WDR82: variants seen among roughly 807,000 people sequenced by gnomAD.
WDR82 encodes the protein WD repeat domain 82.
A neutral mutation model predicts 36.1 loss-of-function variants in WDR82; 8 were observed. The observed-to-expected ratio is 0.22, with a 90% confidence interval of 0.13 to 0.40. WDR82 has a LOEUF of 0.40. Among genes scored for constraint, WDR82 ranks in the 10% least tolerant of loss-of-function variants. The pLI is 1.00. For synonymous variants in WDR82, 129 were observed against 137.8 expected, an observed-to-expected ratio of 0.94 and a Z score of 0.45; for missense variants, 185 against 400.5, an observed-to-expected ratio of 0.46 and a Z score of 4.59.
intron 6 of WDR82, 103 bp downstream of exon 6, chr3:52,259,614 G>A: frequency 1.5e-6 from 2 of 1,376,406 alleles, no homozygotes; most frequent in South Asian, 1.4e-5. Context: ...GCCTTCATGA[G>A]TAAGTCAAGA....
rs919890425 is a variant in WDR82, at chr3:52,255,684, C to T, written c.*1806G>A. ...CAGAAATTGTGATGCCTTGATTTAC[C>T]CCCTAGCAGCTACATATTCTTGAGC... On this transcript the variant is annotated 3_prime_UTR_variant, in exon 9 of 9. Transcript: ENST00000296490. The T allele has an allele frequency of 7.9e-5, 12 of 152,092 alleles. No individual in the cohort carries two copies. Among genetic ancestry groups the T allele is most frequent in the African/African-American group, 2.9e-4 (12 of 41,420 alleles). 9.4% of individuals were successfully genotyped at this position (152,092 alleles called of 1,614,324 possible). A position where few individuals can be genotyped will look rare whatever the true frequency, so the allele number is the denominator to read the frequency against.
intron 1 of WDR82, among the ~76,000 whole-genome samples, chr3:52,276,672 A>G (rs953129841): frequency 7.2e-5 from 11 of 152,096 alleles, no homozygotes; most frequent in African/African-American, 1.2e-4. Context: ...GGACCCCACA[A>G]TGCTGACCCT....
chr3:52,278,456 G>C lies in WDR82; in HGVS notation c.-95C>G. 1.8e-6 allele frequency: 2 copies of C among 1,091,062 alleles called. No individual in the cohort carries two copies. Among genetic ancestry groups the C allele is most frequent in the Non-Finnish European group, 2.3e-6 (2 of 877,922 alleles). The allele number at this position is 1,091,062 out of a possible 1,614,324, so 67.6% of individuals were successfully genotyped here. On this transcript the variant is annotated 5_prime_UTR_variant, in exon 1 of 9. Transcript: ENST00000296490. ...CGAGGGGCCAACCCAGGCGGGGCGG[G>C]CGCCGCGCCGGCGGCTAGCGGGAAG...
intron 1 of WDR82, among the ~76,000 whole-genome samples, chr3:52,276,625 TAC>T (rs1456945811): frequency 1.3e-5 from 2 of 152,198 alleles, no homozygotes; most frequent in Non-Finnish European, 2.9e-5. Flanking sequence ...ATAAGCACTA[TAC>T]ATTTCATGCA....
At chr3:52,263,326 TACA>T (rs1283795319) in intron 3 of WDR82, among the ~76,000 whole-genome samples, 4 of 152,298 alleles carry the variant, frequency 2.6e-5, no homozygotes, top group Admixed American at 2.0e-4. Context: ...TCTGGAAAGA[TACA>T]ACATCTGAGG....
chr3:52,271,956 G>A (rs1700158514), intron 1 of WDR82, among the ~76,000 whole-genome samples: 1 of 152,096 alleles, frequency 6.6e-6, no homozygotes, highest in African/African-American at 2.4e-5. Flanking sequence ...CGGGTGTGGT[G>A]GCACACACTT....
intron 2 of WDR82, 68 bp downstream of exon 2, chr3:52,270,644 C>A: frequency 8.1e-7 from 1 of 1,233,960 alleles, no homozygotes; most frequent in South Asian, 1.3e-5. Context: ...CAGAAGTAGT[C>A]ACAAAGATTC....
At chr3:52,278,097 T>G in intron 1 of WDR82, 104 bp downstream of exon 1, 2 of 1,290,182 alleles carry the variant, frequency 1.6e-6, no homozygotes, top group Non-Finnish European at 2.0e-6. Context: ...GCGTGCAAAA[T>G]AGGCTGGGGG....
chr3:52,271,771 G>A (rs1700156643), intron 1 of WDR82, among the ~76,000 whole-genome samples: 2 of 152,158 alleles, frequency 1.3e-5, no homozygotes, highest in Non-Finnish European at 2.9e-5. Context: ...CAGTTAAATA[G>A]TTCCTTTGCT....
At chr3:52,266,852 A>G (rs1209384632) in intron 3 of WDR82, 100 bp downstream of exon 3, 3 of 939,002 alleles carry the variant, frequency 3.2e-6, no homozygotes, top group African/African-American at 3.3e-5. Flanking sequence ...AGTAGTGAGG[A>G]AGTAGCTTCA....
intron 7 of WDR82, 115 bp downstream of exon 7, chr3:52,259,082 T>C: frequency 1.6e-6 from 2 of 1,212,552 alleles, no homozygotes; most frequent in Non-Finnish European, 2.4e-6. Flanking sequence ...TAATGTGCTA[T>C]ACAGAAATCT....
At chr3:52,276,100 A>C (rs1215523888) in intron 1 of WDR82, among the ~76,000 whole-genome samples, 1 of 152,234 alleles carries the variant, frequency 6.6e-6, no homozygotes, top group Non-Finnish European at 1.5e-5. Context: ...ACGAGTAAAT[A>C]AACTGCCTTA....
chr3:52,268,978 C>T (rs548333822), intron 2 of WDR82, among the ~76,000 whole-genome samples: 1 of 152,110 alleles, frequency 6.6e-6, no homozygotes, highest in Non-Finnish European at 1.5e-5. Context: ...TCACACCTGG[C>T]TAATTTTTGT....
intron 2 of WDR82, among the ~76,000 whole-genome samples, chr3:52,269,407 TGAGATTGCAGTGAGCC>T (rs1700134051): frequency 6.6e-6 from 1 of 151,852 alleles, no homozygotes; most frequent in Admixed American, 6.6e-5. Flanking sequence ...CCCAGGAGGC[TGAGATTGCAGTGAGCC>T]GAGATTGCAC....
rs1249983753 is a variant in WDR82 at position 52,256,967 on chromosome 3, C to A, written c.*523G>T. On this transcript the variant is annotated 3_prime_UTR_variant, in exon 9 of 9. Coordinates refer to ENST00000296490, the MANE Select transcript of WDR82 (RefSeq NM_025222.4). ...GACCCCAAGATATATGAAAATGTTT[C>A]TGTAAATGTTTGGCACCTAAGAAAC... The A allele has an allele frequency of 6.5e-6, 1 of 153,800 alleles. No individual in the cohort carries two copies. Among genetic ancestry groups the A allele is most frequent in the Admixed American group, 6.5e-5 (1 of 15,364 alleles). 9.5% of individuals were successfully genotyped at this position (153,800 alleles called of 1,614,324 possible). A position where few individuals can be genotyped will look rare whatever the true frequency, so the allele number is the denominator to read the frequency against.
At position 52,257,127 on chromosome 3, in the gene WDR82, G is replaced by C. The variant is rs753411803; in HGVS notation, c.*363C>G. The C allele has an allele frequency of 4.0e-6, 1 of 252,272 alleles. No homozygotes were observed. Among genetic ancestry groups the C allele is most frequent in the Non-Finnish European group, 7.7e-6 (1 of 129,784 alleles). 15.6% of individuals were successfully genotyped at this position (252,272 alleles called of 1,614,324 possible). A position where few individuals can be genotyped will look rare whatever the true frequency, so the allele number is the denominator to read the frequency against. ...CTTCCCATGCAGTTGGAGGGTAGAA[G>C]GGATGTGCGGAACTGATGACTTCAC... On this transcript the variant is annotated 3_prime_UTR_variant, in exon 9 of 9. Transcript: ENST00000296490.
At chr3:52,262,483 C>T (rs1321848795) in intron 3 of WDR82, among the ~76,000 whole-genome samples, 1 of 152,158 alleles carries the variant, frequency 6.6e-6, no homozygotes, top group Non-Finnish European at 1.5e-5. Context: ...ACCTAAGTGG[C>T]ATCAGCATCA....
At chr3:52,261,850 T>C (rs955697085) in intron 3 of WDR82, among the ~76,000 whole-genome samples, 4 of 152,188 alleles carry the variant, frequency 2.6e-5, no homozygotes, top group Non-Finnish European at 5.9e-5. Flanking sequence ...ACAGTTGCTT[T>C]GGAAAAGTTT....
intron 8 of WDR82, 62 bp downstream of exon 8, chr3:52,258,474 G>C: frequency 6.2e-7 from 1 of 1,600,348 alleles, no homozygotes; most frequent in Admixed American, 1.7e-5. Flanking sequence ...GCTTGTTGAG[G>C]CACCCACCAC....
Sources: allele counts gnomAD v4.1 joint callset (sites outside exome capture counted in the v4.1 genomes callset), GRCh38; gene constraint gnomAD v4.1.1; transcripts MANE v1.5; gene names NCBI Gene and HGNC (gene_info 2026-07-23, HGNC 2026-07-21).